DPP10: variants seen among roughly 807,000 people sequenced by gnomAD.
DPP10 encodes the protein dipeptidyl peptidase like 10.
A neutral mutation model predicts 120.9 loss-of-function variants in DPP10; 33 were observed. The observed-to-expected ratio is 0.27, with a 90% CI of 0.21 to 0.37. The LOEUF (loss-of-function observed/expected upper bound fraction) is 0.37, where lower values mean the gene tolerates loss of function less well. Ranked by LOEUF, DPP10 falls within the 10% of genes least tolerant of loss-of-function variation. The pLI is 1.00. For missense variants in DPP10, 816 were observed against 942.8 expected (o/e 0.87, Z 1.76); for synonymous variants, 337 against 326.1 (o/e 1.03, Z -0.36).
At chr2:114,879,682 C>G (rs941624181) in intron 1 of DPP10, among the ~76,000 whole-genome samples, 1 of 151,796 alleles carries the variant, frequency 6.6e-6, no homozygotes, top group Non-Finnish European at 1.5e-5. Context: ...GATTGAAATA[C>G]TTGACAGAAA....
chr2:115,509,787 G>A (rs2077131039), intron 4 of DPP10, among the ~76,000 whole-genome samples: 1 of 152,152 alleles, frequency 6.6e-6, no homozygotes, highest in Non-Finnish European at 1.5e-5. Context: ...GCAGTTTGAG[G>A]AACTTCTAAG....
chr2:115,217,818 T>C (rs566370024), intron 1 of DPP10, among the ~76,000 whole-genome samples: 4 of 152,298 alleles, frequency 2.6e-5, no homozygotes, highest in African/African-American at 9.6e-5. Context: ...TATTGATTAC[T>C]TCTGTCTAGA....
intron 1 of DPP10, chr2:115,162,414 C>T (rs1403052977): frequency 8.1e-6 from 10 of 1,239,918 alleles, no homozygotes; most frequent in East Asian, 6.1e-5. Context: ...CGGCCGCTCA[C>T]CGGGTTCGAG....
chr2:115,097,840 T>C (rs999031219), intron 1 of DPP10, among the ~76,000 whole-genome samples: 1 of 152,214 alleles, frequency 6.6e-6, no homozygotes, highest in African/African-American at 2.4e-5. Flanking sequence ...GTTGAAATAC[T>C]AGCTTTCTAC....
At chr2:114,566,270 C>T (rs905160964) in intron 1 of DPP10, among the ~76,000 whole-genome samples, 11 of 152,084 alleles carry the variant, frequency 7.2e-5, no homozygotes, top group Non-Finnish European at 1.0e-4. Context: ...GCCATATTAA[C>T]GACTGTGCCA....
At chr2:115,013,658 C>CAAAAAAAAAAAAAAAA (rs59313783) in intron 1 of DPP10, among the ~76,000 whole-genome samples, 4 of 58,412 alleles carry the variant, frequency 6.8e-5, no homozygotes, top group Admixed American at 2.0e-4. Context: ...AAATGGAAAG[C>CAAAAAAAAAAAAAAAA]AAAAAAAAAA....
At chr2:115,095,002 T>C (rs1423614589) in intron 1 of DPP10, among the ~76,000 whole-genome samples, 1 of 152,198 alleles carries the variant, frequency 6.6e-6, no homozygotes, top group Non-Finnish European at 1.5e-5. Context: ...TGAAACAGAT[T>C]TTTGTGCAAT....
At chr2:115,628,367 T>A (rs1392756045) in intron 5 of DPP10, among the ~76,000 whole-genome samples, 1 of 152,186 alleles carries the variant, frequency 6.6e-6, no homozygotes, top group Non-Finnish European at 1.5e-5. Flanking sequence ...TGGTGTTGTT[T>A]GTTTTGTTTC....
At chr2:115,580,586 A>T (rs2081953323) in intron 5 of DPP10, among the ~76,000 whole-genome samples, 1 of 152,122 alleles carries the variant, frequency 6.6e-6, no homozygotes, top group Non-Finnish European at 1.5e-5. Flanking sequence ...ATCTATGAAC[A>T]TTCCAGGCAC....
chr2:115,161,907 C>T, intron 1 of DPP10: 3 of 1,433,316 alleles, frequency 2.1e-6, no homozygotes, highest in Non-Finnish European at 2.7e-6. Flanking sequence ...TGACGGTCCC[C>T]GAGTCTGAAG....
intron 1 of DPP10, among the ~76,000 whole-genome samples, chr2:114,468,087 A>G (rs1035019812): frequency 2.6e-5 from 4 of 152,142 alleles, no homozygotes; most frequent in Non-Finnish European, 5.9e-5. Flanking sequence ...TATTTTAAAT[A>G]TCAGGTGCTG....
intron 1 of DPP10, among the ~76,000 whole-genome samples, chr2:114,866,590 C>T (rs1030769037): frequency 2.6e-5 from 4 of 152,048 alleles, no homozygotes; most frequent in African/African-American, 9.7e-5. Context: ...TATTTTTATT[C>T]CTATTTAATA....
chr2:115,243,117 G>A (rs1221400848), intron 1 of DPP10, among the ~76,000 whole-genome samples: 3 of 152,164 alleles, frequency 2.0e-5, no homozygotes, highest in East Asian at 1.9e-4. Flanking sequence ...TACAAGTAAG[G>A]TTTATCAAAT....
At chr2:115,109,542 A>G (rs1423071395) in intron 1 of DPP10, among the ~76,000 whole-genome samples, 1 of 152,156 alleles carries the variant, frequency 6.6e-6, no homozygotes, top group East Asian at 1.9e-4. Context: ...CTCAAAAAAA[A>G]AAGAAAAAAA....
At chr2:114,477,789 A>G (rs748234316) in intron 1 of DPP10, among the ~76,000 whole-genome samples, 75 of 151,142 alleles carry the variant, frequency 5.0e-4, no homozygotes, top group Non-Finnish European at 9.3e-4. Context: ...ATATGTATAT[A>G]TGTATATGCA....
intron 1 of DPP10, among the ~76,000 whole-genome samples, chr2:114,636,932 T>C (rs1409814531): frequency 6.6e-6 from 1 of 151,864 alleles, no homozygotes; most frequent in African/African-American, 2.4e-5. Context: ...AATCACACAA[T>C]GGTGGAACTT....
chr2:115,457,158 CAATGAAGGAAAG>C (rs2073623644), intron 3 of DPP10, among the ~76,000 whole-genome samples: 1 of 150,984 alleles, frequency 6.6e-6, no homozygotes, highest in Non-Finnish European at 1.5e-5. Context: ...CAAGGCAATT[CAATGAAGGAAAG>C]AATAGTATTT....
chr2:114,960,034 A>C (rs566159120), intron 1 of DPP10, among the ~76,000 whole-genome samples: 1 of 152,276 alleles, frequency 6.6e-6, no homozygotes, highest in South Asian at 2.1e-4. Context: ...TTAATTAGGA[A>C]AAAAAATTAA....
intron 1 of DPP10, among the ~76,000 whole-genome samples, chr2:114,877,095 C>T (rs924401955): frequency 2.6e-5 from 4 of 151,998 alleles, no homozygotes; most frequent in African/African-American, 9.7e-5. Context: ...CATGCAGAAT[C>T]GCCAAAATTA....
Sources: allele counts gnomAD v4.1 joint callset (sites outside exome capture counted in the v4.1 genomes callset), GRCh38; gene constraint gnomAD v4.1.1; transcripts MANE v1.5; gene names NCBI Gene and HGNC (gene_info 2026-07-23, HGNC 2026-07-21).